Variants in BNC2 observed in about 807,000 individuals in gnomAD.
The protein encoded by BNC2 is zinc finger protein basonuclin-2.
In BNC2, 20 loss-of-function variants were observed where a neutral mutation model predicts 76.3. That is an observed-to-expected ratio of 0.26 (90% CI 0.18 to 0.38). BNC2 has a LOEUF of 0.38. BNC2 is among the 10% of genes least tolerant of loss of function. The probability of loss-of-function intolerance (pLI) is 1.00; values close to 1 mark genes in which losing one functional copy is unlikely to be tolerated. For missense variants in BNC2, 1,382 were observed against 1,399.8 expected, an observed-to-expected ratio of 0.99 and a Z score of 0.20; for synonymous variants, 582 against 514.8, an observed-to-expected ratio of 1.13 and a Z score of -1.77.
At chr9:16,480,996 C>T (rs1003822954) in intron 5 of BNC2, among the ~76,000 whole-genome samples, 1 of 152,224 alleles carries the variant, frequency 6.6e-6, no homozygotes, top group Non-Finnish European at 1.5e-5. Flanking sequence ...AGTGAAGAAC[C>T]TTTATGTCTA....
rs568955982 is a variant in BNC2 at position 16,506,513 on chromosome 9, C to CTTTTTTTTTTTTT, written c.669+46004_669+46016dup. Among the ~76,000 whole-genome samples the CTTTTTTTTTTTTT allele has an allele frequency of 2.3e-4, 10 of 43,314 alleles. 3 individuals are homozygous for CTTTTTTTTTTTTT. The highest frequency in any genetic ancestry group is 6.5e-4 in the African/African-American group (8 of 12,382). The allele number at this position is 43,314 out of a possible 152,430, so 28.4% of individuals were successfully genotyped here. On this transcript the variant is annotated intron_variant, in intron 5 of 6. Transcript: ENST00000380672. ...GTACACTTCTCTCTCTCTCTCTCCT[C>CTTTTTTTTTTTTT]TTTTTTTTTTTTTTTTTTTTTTTTT...
At chr9:16,733,497 G>A (rs1013242506) in intron 2 of BNC2, among the ~76,000 whole-genome samples, 8 of 151,490 alleles carry the variant, frequency 5.3e-5, no homozygotes, top group African/African-American at 1.9e-4. Flanking sequence ...GTTTTCCCTG[G>A]ACTCACATAT....
chr9:16,845,504 A>T (rs191418174), intron 1 of BNC2, among the ~76,000 whole-genome samples: 1 of 149,798 alleles, frequency 6.7e-6, no homozygotes, highest in Non-Finnish European at 1.5e-5. Flanking sequence ...GGCGGATCAC[A>T]AGGTCAGGAG....
chr9:16,644,990 T>C (rs368470415), intron 3 of BNC2, among the ~76,000 whole-genome samples: 1 of 152,348 alleles, frequency 6.6e-6, no homozygotes, highest in African/African-American at 2.4e-5. Context: ...GTCGTCAGCA[T>C]TGTAAATCTA....
At chr9:16,835,648 G>A (rs1818689445) in intron 1 of BNC2, among the ~76,000 whole-genome samples, 1 of 152,212 alleles carries the variant, frequency 6.6e-6, no homozygotes, top group African/African-American at 2.4e-5. Context: ...GTTGCAGTGA[G>A]CAGAGATAGC....
chr9:16,766,802 T>C (rs1475160423), intron 1 of BNC2, among the ~76,000 whole-genome samples: 5 of 152,186 alleles, frequency 3.3e-5, no homozygotes, highest in Non-Finnish European at 7.3e-5. Flanking sequence ...GAAGGTTACT[T>C]TGCTTTTCCT....
intron 1 of BNC2, among the ~76,000 whole-genome samples, chr9:16,802,819 T>C (rs192414434): frequency 1.3e-5 from 2 of 152,328 alleles, no homozygotes; most frequent in East Asian, 3.9e-4. Flanking sequence ...GATTTGGAAA[T>C]AGGCAAAGCA....
At chr9:16,605,104 A>C (rs148794999) in intron 3 of BNC2, among the ~76,000 whole-genome samples, 1 of 152,354 alleles carries the variant, frequency 6.6e-6, no homozygotes, top group East Asian at 1.9e-4. Flanking sequence ...CAAAAGGAAC[A>C]CAACATTGTA....
At chr9:16,785,558 CTTTT>C (rs34271496) in intron 1 of BNC2, among the ~76,000 whole-genome samples, 11 of 122,512 alleles carry the variant, frequency 9.0e-5, no homozygotes, top group East Asian at 2.4e-4. Context: ...CTACACCCGG[CTTTT>C]TTTTTTTTTT....
At chr9:16,815,486 T>C (rs892822395) in intron 1 of BNC2, among the ~76,000 whole-genome samples, 2 of 152,208 alleles carry the variant, frequency 1.3e-5, no homozygotes, top group Non-Finnish European at 2.9e-5. Flanking sequence ...AACTTTAATA[T>C]AGCAGGTAAG....
At chr9:16,732,047 C>A (rs1352433953) in intron 2 of BNC2, among the ~76,000 whole-genome samples, 1 of 150,824 alleles carries the variant, frequency 6.6e-6, no homozygotes, top group African/African-American at 2.4e-5. Context: ...AAAGTGTGTT[C>A]TTTCTTGTTA....
intron 1 of BNC2, among the ~76,000 whole-genome samples, chr9:16,861,006 A>C (rs1045934628): frequency 1.3e-5 from 2 of 150,074 alleles, no homozygotes; most frequent in Admixed American, 1.3e-4. Flanking sequence ...AGATCACGCC[A>C]CTGCCTGAGC....
intron 1 of BNC2, among the ~76,000 whole-genome samples, chr9:16,861,942 T>C (rs1305080750): frequency 6.6e-6 from 1 of 151,648 alleles, no homozygotes; most frequent in East Asian, 1.9e-4. Context: ...TGAGCCGAGA[T>C]TGCACCACTG....
At chr9:16,807,086 C>T (rs1817934520) in intron 1 of BNC2, among the ~76,000 whole-genome samples, 1 of 152,170 alleles carries the variant, frequency 6.6e-6, no homozygotes, top group Non-Finnish European at 1.5e-5. Flanking sequence ...TTATCTATGA[C>T]TAACAATTTC....
In BNC2 at chr9:16,680,057, A is replaced by C. The variant is rs905568226; in HGVS notation, c.330+47740T>G. 2.0e-5 allele frequency among the ~76,000 whole-genome samples: 3 copies of C among 152,196 alleles called. No individual in the cohort carries two copies. The East Asian group carries it at 5.8e-4, about 29-fold the overall frequency. On this transcript the variant is annotated intron_variant, in intron 3 of 6. Transcript: ENST00000380672. ...TGATCTTCATCTTCTTTTTAAGGGT[A>C]AACAGTTTGAAATCACTGTCCTCAT...
Position 16,646,498 on chromosome 9 carries a change from G to A in BNC2, c.331-63413C>T, listed in dbSNP as rs568972569. Among the ~76,000 whole-genome samples the A allele has an allele frequency of 5.6e-4, 85 of 152,220 alleles. 1 individual carries two copies. Among genetic ancestry groups the A allele is most frequent in the African/African-American group, 2.0e-3 (82 of 41,538 alleles). ...AACAAAAAAAGCCAGACACAACATA[G>A]TACATACTGTATGATCCAATTTATA... On this transcript the variant is annotated intron_variant, in intron 3 of 6. Transcript: ENST00000380672.
chr9:16,847,754 C>A (rs569763676), intron 1 of BNC2, among the ~76,000 whole-genome samples: 1 of 152,064 alleles, frequency 6.6e-6, no homozygotes, highest in Non-Finnish European at 1.5e-5. Flanking sequence ...ATCATTTATT[C>A]CTTGATAAAG....
At chr9:16,589,532 G>A (rs569147608) in intron 3 of BNC2, among the ~76,000 whole-genome samples, 18 of 73,844 alleles carry the variant, frequency 2.4e-4, no homozygotes, top group African/African-American at 5.7e-4. Flanking sequence ...TTTTTGAGAC[G>A]GAATCTCACT....
chr9:16,848,321 G>A (rs149654086), intron 1 of BNC2, among the ~76,000 whole-genome samples: 1 of 152,136 alleles, frequency 6.6e-6, no homozygotes, highest in Non-Finnish European at 1.5e-5. Flanking sequence ...GTGAAGAGGA[G>A]GTATTGTGAA....
Sources: allele counts gnomAD v4.1 joint callset (sites outside exome capture counted in the v4.1 genomes callset), GRCh38; gene constraint gnomAD v4.1.1; transcripts MANE v1.5; gene names NCBI Gene and HGNC (gene_info 2026-07-23, HGNC 2026-07-21).